DCLRE1C: variants seen among roughly 807,000 people sequenced by gnomAD.
The protein encoded by DCLRE1C is DNA cross-link repair 1C.
DCLRE1C carries 47 observed loss-of-function variants against 61.4 expected under a neutral mutation model. That is an observed-to-expected ratio of 0.77 (90% CI 0.61 to 0.98). The LOEUF (loss-of-function observed/expected upper bound fraction) is 0.98. Ranked by LOEUF, DCLRE1C falls within the 50% of genes least tolerant of loss-of-function variation. The pLI, the probability that DCLRE1C is intolerant of heterozygous loss-of-function variation, is 0.00. For synonymous variants in DCLRE1C, 337 were observed against 287.6 expected (o/e 1.17, Z -1.74); for missense variants, 858 against 816.0 (o/e 1.05, Z -0.63).
exon 14 of DCLRE1C, chr10:14,899,091 T>G (rs931651404): frequency 9.6e-6 from 6 of 624,638 alleles, no homozygotes; most frequent in East Asian, 2.7e-5. Context: ...AGGTCAAGGC[T>G]GGAGGCTCAC....
At chr10:14,922,543 C>T (rs1837289333) in intron 12 of DCLRE1C, among the ~76,000 whole-genome samples, 1 of 152,086 alleles carries the variant, frequency 6.6e-6, no homozygotes, top group African/African-American at 2.4e-5. Flanking sequence ...ACGATTGCAC[C>T]TCTCCTTTGG....
chr10:14,901,773 G>A (rs1141553), downstream of DCLRE1C, among the ~76,000 whole-genome samples: 1 of 151,830 alleles, frequency 6.6e-6, no homozygotes, highest in Non-Finnish European at 1.5e-5. Context: ...TGGGGCTACA[G>A]TTGAGCTGTG....
In DCLRE1C at chr10:14,906,422, G is replaced by C. The variant is rs551300460; in HGVS notation, c.*1986C>G. Among the ~76,000 whole-genome samples, 1 of 152,088 alleles carries C rather than the reference G, an allele frequency of 6.6e-6. No individual in the cohort carries two copies. Among genetic ancestry groups the C allele is most frequent in the Non-Finnish European group, 1.5e-5 (1 of 68,036 alleles). On this transcript the variant is annotated 3_prime_UTR_variant, in exon 14 of 14. Coordinates refer to ENST00000378278, the MANE Select transcript of DCLRE1C (RefSeq NM_001033855.3). ...TGCCAGACTCACATATAAAACAAAC[G>C]TAACAGTATGTAATATTAATGTGAT...
chr10:14,941,232 G>A (rs1840801775), intron 3 of DCLRE1C, among the ~76,000 whole-genome samples: 1 of 152,186 alleles, frequency 6.6e-6, no homozygotes, highest in South Asian at 2.1e-4. Flanking sequence ...GACAAATTTA[G>A]CTATGTTCCA....
intron 13 of DCLRE1C, among the ~76,000 whole-genome samples, chr10:14,917,604 G>A (rs1836415261): frequency 6.6e-6 from 1 of 152,092 alleles, no homozygotes; most frequent in Non-Finnish European, 1.5e-5. Flanking sequence ...CAGGCAGATT[G>A]CTTGAGCTCA....
intron 2 of DCLRE1C, among the ~76,000 whole-genome samples, chr10:14,948,596 C>G (rs1231109837): frequency 6.6e-6 from 1 of 151,998 alleles, no homozygotes; most frequent in Non-Finnish European, 1.5e-5. Flanking sequence ...TATTTGGGGC[C>G]AGGTGCCAGT....
downstream of DCLRE1C, among the ~76,000 whole-genome samples, chr10:14,901,955 A>T (rs917255590): frequency 6.6e-6 from 1 of 152,238 alleles, no homozygotes; most frequent in African/African-American, 2.4e-5. Flanking sequence ...TAAAAAGAAC[A>T]TTTAATTCTA....
At chr10:14,940,171 TCCC>T (rs1840632182) in intron 3 of DCLRE1C, among the ~76,000 whole-genome samples, 1 of 151,982 alleles carries the variant, frequency 6.6e-6, no homozygotes, top group South Asian at 2.1e-4. Context: ...CCACTCCCAT[TCCC>T]CTCTCTCTCT....
chr10:14,911,946 GT>G (rs2131808634), intron 13 of DCLRE1C, among the ~76,000 whole-genome samples: 1 of 152,316 alleles, frequency 6.6e-6, no homozygotes, highest in East Asian at 1.9e-4. Flanking sequence ...TGGCTAATAT[GT>G]GAAGGAACTG....
rs925318297 is a variant in DCLRE1C, at chr10:14,931,219, T to A, written c.780+1635A>T. Among the ~76,000 whole-genome samples, 8 of 152,338 alleles carry A rather than the reference T, an allele frequency of 5.3e-5. No individual in the cohort carries two copies. In the South Asian group the frequency reaches 1.0e-3, roughly 20 times the overall value. ...TTTTAAAGCAAATTCAAAATGAAAGTCTTGTACTCAGCGTTTGACAAGAGA... is the reference window on the plus strand; with the variant it reads ...TTTTAAAGCAAATTCAAAATGAAAGACTTGTACTCAGCGTTTGACAAGAGA... On this transcript the variant is annotated intron_variant, in intron 9 of 13. Transcript: ENST00000378278.
At chr10:14,928,672 T>C (rs1191048632) in intron 9 of DCLRE1C, among the ~76,000 whole-genome samples, 2 of 151,920 alleles carry the variant, frequency 1.3e-5, no homozygotes, top group Non-Finnish European at 2.9e-5. Flanking sequence ...TACCATGGAG[T>C]CTGTAACTAC....
chr10:14,897,959 A>G (rs1426066663), exon 14 of DCLRE1C: 1 of 152,244 alleles, frequency 6.6e-6, no homozygotes, highest in Non-Finnish European at 1.5e-5. Flanking sequence ...TACTATATTT[A>G]TGAGTTTTGT....
At chr10:14,949,662 A>G (rs12261604) in intron 1 of DCLRE1C, among the ~76,000 whole-genome samples, 2,977 of 152,370 alleles carry the variant, frequency 0.02, 100 homozygotes, top group African/African-American at 0.067. Context: ...TAGACCGACT[A>G]TTACATTAAG....
chr10:14,935,383 T>C (rs1839740820), intron 6 of DCLRE1C, 80 bp downstream of exon 6: 1 of 1,492,626 alleles, frequency 6.7e-7, no homozygotes, highest in Non-Finnish European at 9.3e-7. Context: ...GGAGAATCGC[T>C]TGAACTCTGG....
At chr10:14,943,995 T>G (rs1841286521) in intron 3 of DCLRE1C, among the ~76,000 whole-genome samples, 1 of 152,196 alleles carries the variant, frequency 6.6e-6, no homozygotes, top group South Asian at 2.1e-4. Context: ...TCCCCTTGAC[T>G]ACCTCATATT....
intron 13 of DCLRE1C, chr10:14,899,319 A>T (rs756263487): frequency 5.0e-5 from 28 of 555,594 alleles, no homozygotes; most frequent in Non-Finnish European, 7.1e-5. Context: ...GACCCTGTTT[A>T]AAAAAAAAAG....
chr10:14,954,368 A>C (rs1391713364), upstream of DCLRE1C: 1 of 380,832 alleles, frequency 2.6e-6, no homozygotes, highest in Non-Finnish European at 5.0e-6. Flanking sequence ...CTCCCAGAGC[A>C]GGTGGCCCCA....
In DCLRE1C at chr10:14,954,068, C is replaced by A. The variant is rs1006622866; in HGVS notation, c.-58G>T. The A allele has an allele frequency of 6.2e-6, 10 of 1,606,682 alleles. No homozygotes were observed. Among genetic ancestry groups the A allele is most frequent in the Admixed American group, 5.1e-5 (3 of 59,330 alleles). On this transcript the variant is annotated 5_prime_UTR_variant, in exon 1 of 14. Transcript: ENST00000378278. ...AACCGCAGCTGAAGCCAAGGCCAGC[C>A]CTGACCGCGCCGCCACTTCCGGGAA...
At chr10:14,934,679 C>T (rs527584695) in intron 7 of DCLRE1C, 24 bp downstream of exon 7, 53 of 1,613,000 alleles carry the variant, frequency 3.3e-5, no homozygotes, top group Admixed American at 1.3e-4. Context: ...CAGATGATAA[C>T]CCTGTTCCTC....
Sources: allele counts gnomAD v4.1 joint callset (sites outside exome capture counted in the v4.1 genomes callset), GRCh38; gene constraint gnomAD v4.1.1; transcripts MANE v1.5; gene names NCBI Gene and HGNC (gene_info 2026-07-23, HGNC 2026-07-21).